The following ABCA6 variants were observed in gnomAD, a reference collection of about 807,000 sequenced individuals.
ABCA6 encodes ATP-binding cassette sub-family A member 6.
In ABCA6, 164 loss-of-function variants were observed where a neutral mutation model predicts 191.2. The ratio of observed to expected loss-of-function variants is 0.86; its 90% CI spans 0.76 to 0.98. The LOEUF (loss-of-function observed/expected upper bound fraction) is 0.98. ABCA6 is among the 50% of genes least tolerant of loss of function. ABCA6 has a pLI of 0.00. For missense variants in ABCA6, 1,958 were observed against 1,894.1 expected, an observed-to-expected ratio of 1.03 and a Z score of -0.63; for synonymous variants, 636 against 647.7, an observed-to-expected ratio of 0.98 and a Z score of 0.27.
chr17:69,115,647 CA>C, intron 11 of ABCA6, 161 bp from the exon 12 acceptor site: 1 of 468,898 alleles, frequency 2.1e-6, no homozygotes. Flanking sequence ...TCCTAATTGC[CA>C]AAATAATATG....
At chr17:69,113,819 A>G in intron 13 of ABCA6, 82 bp from the exon 14 acceptor site, 2 of 1,209,424 alleles carry the variant, frequency 1.7e-6, no homozygotes, top group Non-Finnish European at 1.2e-6. Flanking sequence ...AAAAATGCTC[A>G]TCATCACTGG....
At chr17:69,112,848 T>C (rs983299630) in intron 15 of ABCA6, 3 of 155,044 alleles carry the variant, frequency 1.9e-5, no homozygotes, top group Non-Finnish European at 4.2e-5. Context: ...TGAACACCAG[T>C]CTATCTGCAC....
At position 69,082,853 on chromosome 17, in the gene ABCA6, T is replaced by C. The variant is rs1328391670; in HGVS notation, c.4616+20A>G. 1.2e-6 allele frequency: 2 copies of C among 1,613,766 alleles called. No individual in the cohort carries two copies. Among genetic ancestry groups the C allele is most frequent in the African/African-American group, 1.3e-5 (1 of 74,900 alleles). Reference sequence around the variant, plus strand: ...TGGATAAACCCTCCATATTTCTCCATAATCAAAAGCCCGTCTCACCTTTCC... The same window carrying C: ...TGGATAAACCCTCCATATTTCTCCACAATCAAAAGCCCGTCTCACCTTTCC... On this transcript the variant is annotated intron_variant, in intron 36 of 38. Transcript: ENST00000284425.
intron 22 of ABCA6, among the ~76,000 whole-genome samples, chr17:69,100,326 A>G (rs2073150048): frequency 7.9e-6 from 1 of 126,480 alleles, no homozygotes; most frequent in Non-Finnish European, 1.8e-5. Flanking sequence ...CTCACAACAT[A>G]GAGCAACTAT....
chr17:69,084,916 C>G, intron 32 of ABCA6, 112 bp downstream of exon 32: 1 of 1,341,898 alleles, frequency 7.5e-7, no homozygotes, highest in East Asian at 2.5e-5. Flanking sequence ...CACTGACACT[C>G]TGGAAAGGTG....
Position 69,115,401 on chromosome 17 carries a change from A to AAGAATATTT in ABCA6, c.1572_1580dup (p.Ile526_Asn528dup). On this transcript the variant is annotated inframe_insertion, in exon 12 of 39. Coordinates refer to ENST00000284425, the MANE Select transcript of ABCA6 (RefSeq NM_080284.3). ...CTTCTGTTGGAACAGACAATCCATTAAGAATATTTAGCAGTGAAGATTTGC... is the reference window on the plus strand; with the variant it reads ...CTTCTGTTGGAACAGACAATCCATTAAGAATATTTAGAATATTTAGCAGTGAAGATTTGC... The AAGAATATTT allele has an allele frequency of 6.2e-7, 1 of 1,610,736 alleles. No individual in the cohort carries two copies. Among genetic ancestry groups the AAGAATATTT allele is most frequent in the Non-Finnish European group, 8.5e-7 (1 of 1,178,306 alleles).
chr17:69,092,110 T>G (rs1311238717), intron 25 of ABCA6, among the ~76,000 whole-genome samples: 2 of 152,130 alleles, frequency 1.3e-5, no homozygotes, highest in African/African-American at 4.8e-5. Context: ...ATTTTACAAT[T>G]TTTTTTACTG....
intron 9 of ABCA6, among the ~76,000 whole-genome samples, chr17:69,124,676 TTATAA>T (rs1336080580): frequency 6.6e-6 from 1 of 151,942 alleles, no homozygotes; most frequent in African/African-American, 2.4e-5. Flanking sequence ...TGTCATATAA[TTATAA>T]TATATTGCTA....
chr17:69,100,711 T>C, intron 22 of ABCA6, 86 bp downstream of exon 22: 1 of 1,347,748 alleles, frequency 7.4e-7, no homozygotes, highest in Non-Finnish European at 1.0e-6. Context: ...TAACAATCAC[T>C]TATGGATATT....
Position 69,091,188 on chromosome 17 carries a change from C to A in ABCA6, c.3483G>T (p.Leu1161Phe), listed in dbSNP as rs2072913905. The A allele has an allele frequency of 1.9e-6, 3 of 1,611,160 alleles. No homozygotes were observed. The highest frequency in any genetic ancestry group is 2.5e-6 in the Non-Finnish European group (3 of 1,178,956). ...ATCCAAGCAAGGTATATGAAGGAAC[C>A]AATACCATGGTGGTAATCAATATAC... is the stretch of plus-strand genomic sequence containing the variant. ...DLSILITTMV[L>F]VPSYTLLGFK... is the part of the protein sequence containing the mutation. Residue 1161 changes from leucine (L) to phenylalanine (F), a missense_variant, in exon 26 of 39, where the codon TTG becomes TTT. Physicochemically the swap from Leu to Phe is conservative, Grantham distance 22. Transcript: ENST00000284425.
At chr17:69,133,920 G>A (rs2073907875) in intron 5 of ABCA6, 53 bp from the exon 6 acceptor site, 1 of 1,217,890 alleles carries the variant, frequency 8.2e-7, no homozygotes, top group Non-Finnish European at 1.1e-6. Context: ...AGAAACTGGT[G>A]AACTATGAGT....
rs750208369 is a variant in ABCA6, at chr17:69,091,155, A to T, written c.3516T>A (p.Thr1172=). Reference sequence around the variant, plus strand: ...TAACATTTCTTACCACTTCCAAAAAAGTTTTAAATCCAAGCAAGGTATATG... The same window carrying T: ...TAACATTTCTTACCACTTCCAAAAATGTTTTAAATCCAAGCAAGGTATATG... ...VPSYTLLGFK[T]FLEVRDQEHY... The change falls in exon 26 of 39, where the codon ACT becomes ACA. Residue 1172 remains threonine, a synonymous_variant. Transcript: ENST00000284425. 3.7e-6 allele frequency: 6 copies of T among 1,608,882 alleles called. No individual in the cohort carries two copies. Among genetic ancestry groups the T allele is most frequent in the Non-Finnish European group, 5.1e-6 (6 of 1,178,554 alleles).
chr17:69,116,442 G>T (rs1409409889), intron 11 of ABCA6, among the ~76,000 whole-genome samples: 1 of 152,024 alleles, frequency 6.6e-6, no homozygotes, highest in Non-Finnish European at 1.5e-5. Context: ...GACTTTTTAT[G>T]ATTTTAGAGG....
chr17:69,126,386 C>T (rs1038951100), intron 8 of ABCA6, among the ~76,000 whole-genome samples: 2 of 152,090 alleles, frequency 1.3e-5, no homozygotes, highest in African/African-American at 4.8e-5. Flanking sequence ...TGGATCACAC[C>T]TGTAATCCCA....
At chr17:69,118,588 T>G (rs1037969991) in intron 10 of ABCA6, among the ~76,000 whole-genome samples, 1 of 152,064 alleles carries the variant, frequency 6.6e-6, no homozygotes, top group Non-Finnish European at 1.5e-5. Context: ...ACCTCCTAAT[T>G]ATAAAATACA....
At position 69,084,250 on chromosome 17, in the gene ABCA6, A is replaced by G. The variant is rs779069729; in HGVS notation, c.4355+11T>C. On this transcript the variant is annotated intron_variant, in intron 34 of 38. Transcript: ENST00000284425. ...TGCATGCTCGCAGCTCTGGGGTATA[A>G]TGATGCTCACCACATTTGCTGCTGC... is the stretch of plus-strand genomic sequence containing the variant. 1 of 1,613,602 alleles carries G rather than the reference A, an allele frequency of 6.2e-7. No homozygotes were observed. The highest frequency in any genetic ancestry group is 1.3e-5 in the African/African-American group (1 of 75,042).
chr17:69,140,771 A>C (rs2074014836), intron 1 of ABCA6, 23 bp from the exon 2 acceptor site: 2 of 1,034,276 alleles, frequency 1.9e-6, no homozygotes, highest in Non-Finnish European at 2.7e-6. Context: ...AAGTGTAATA[A>C]GAAAAACCTT....
At chr17:69,123,515 G>A in intron 9 of ABCA6, 108 bp from the exon 10 acceptor site, 1 of 717,018 alleles carries the variant, frequency 1.4e-6, no homozygotes. Flanking sequence ...GCATCATAGA[G>A]ACATTTTTTC....
At chr17:69,094,135 T>C (rs2072994363) in intron 25 of ABCA6, among the ~76,000 whole-genome samples, 1 of 152,240 alleles carries the variant, frequency 6.6e-6, no homozygotes, top group Non-Finnish European at 1.5e-5. Flanking sequence ...TTATTTGTGA[T>C]AATTTTTTCA....
Sources: allele counts gnomAD v4.1 joint callset (sites outside exome capture counted in the v4.1 genomes callset), GRCh38; gene constraint gnomAD v4.1.1; transcripts MANE v1.5; gene names NCBI Gene and HGNC (gene_info 2026-07-23, HGNC 2026-07-21).